The following GALNTL6 variants were observed in gnomAD, a reference collection of about 807,000 sequenced individuals.
GALNTL6 encodes the protein polypeptide N-acetylgalactosaminyltransferase like 6, also known as polypeptide N-acetylgalactosaminyltransferase-like 6.
GALNTL6 carries 46 observed loss-of-function variants against 73.7 expected under a neutral mutation model. The ratio of observed to expected loss-of-function variants is 0.62; its 90% CI spans 0.49 to 0.80. GALNTL6 has a LOEUF of 0.80. Among genes scored for constraint, GALNTL6 ranks in the 30% least tolerant of loss-of-function variants. The pLI, the probability that GALNTL6 is intolerant of heterozygous loss-of-function variation, is 0.00. For missense variants in GALNTL6, 604 were observed against 755.0 expected, an observed-to-expected ratio of 0.80 and a Z score of 2.34; for synonymous variants, 259 against 263.7, an observed-to-expected ratio of 0.98 and a Z score of 0.17.
intron 5 of GALNTL6, among the ~76,000 whole-genome samples, chr4:172,465,810 T>C (rs1732792496): frequency 6.6e-6 from 1 of 152,212 alleles, no homozygotes; most frequent in Non-Finnish European, 1.5e-5. Flanking sequence ...TTTTTCTGAA[T>C]CATATCCACA....
chr4:172,411,814 A>G (rs1208244803), intron 5 of GALNTL6, among the ~76,000 whole-genome samples: 3 of 152,118 alleles, frequency 2.0e-5, no homozygotes, highest in East Asian at 3.9e-4. Flanking sequence ...TTTAGTACCT[A>G]CTATGTGCCA....
At chr4:171,865,302 A>G (rs1735941264) in intron 2 of GALNTL6, among the ~76,000 whole-genome samples, 1 of 152,216 alleles carries the variant, frequency 6.6e-6, no homozygotes, top group Non-Finnish European at 1.5e-5. Context: ...GTGCTGGCTG[A>G]AAGGTGAGCA....
chr4:172,952,525 G>GTT (rs1027282071), intron 10 of GALNTL6, among the ~76,000 whole-genome samples: 1 of 149,902 alleles, frequency 6.7e-6, no homozygotes, highest in Admixed American at 6.6e-5. Context: ...TTTTGTTTTT[G>GTT]TTTTTTTTGA....
chr4:172,377,912 A>T (rs1174771552), intron 5 of GALNTL6, among the ~76,000 whole-genome samples: 2 of 142,092 alleles, frequency 1.4e-5, no homozygotes, highest in South Asian at 4.8e-4. Context: ...CCCCCCCCCC[A>T]TGCCTCTTCC....
At chr4:173,023,099 G>C (rs1753082858) in intron 12 of GALNTL6, among the ~76,000 whole-genome samples, 1 of 152,114 alleles carries the variant, frequency 6.6e-6, no homozygotes, top group African/African-American at 2.4e-5. Context: ...CATGAACTTG[G>C]CCATCCTGTG....
chr4:173,017,784 C>T (rs1579787023), intron 11 of GALNTL6, among the ~76,000 whole-genome samples: 1 of 152,196 alleles, frequency 6.6e-6, no homozygotes, highest in African/African-American at 2.4e-5. Flanking sequence ...AAACAGAGGT[C>T]ACCTAAGGAT....
At chr4:172,817,557 T>G (rs1372067512) in intron 7 of GALNTL6, among the ~76,000 whole-genome samples, 1 of 152,218 alleles carries the variant, frequency 6.6e-6, no homozygotes, top group Non-Finnish European at 1.5e-5. Flanking sequence ...TTCATGGCTT[T>G]TAGAAGGTTT....
At chr4:172,383,185 G>T (rs992109095) in intron 5 of GALNTL6, among the ~76,000 whole-genome samples, 2 of 151,838 alleles carry the variant, frequency 1.3e-5, no homozygotes. Flanking sequence ...GATTTTTTTG[G>T]TAGACATTGC....
At chr4:172,645,972 A>G (rs150254097) in intron 5 of GALNTL6, among the ~76,000 whole-genome samples, 1 of 152,068 alleles carries the variant, frequency 6.6e-6, no homozygotes, top group African/African-American at 2.4e-5. Flanking sequence ...GGGTCTTATG[A>G]CCAGTTTCAA....
chr4:172,884,166 T>A (rs1745598379), intron 8 of GALNTL6, among the ~76,000 whole-genome samples: 1 of 152,186 alleles, frequency 6.6e-6, no homozygotes, highest in Admixed American at 6.5e-5. Context: ...ATATGGTAGT[T>A]CTATTTTAGT....
At chr4:171,942,271 A>T (rs958912591) in intron 2 of GALNTL6, among the ~76,000 whole-genome samples, 1 of 49,878 alleles carries the variant, frequency 2.0e-5, no homozygotes, top group African/African-American at 4.3e-5. Context: ...AATAAATATA[A>T]TATACAGAAC....
At chr4:171,940,775 G>A (rs768554331) in intron 2 of GALNTL6, among the ~76,000 whole-genome samples, 4 of 151,046 alleles carry the variant, frequency 2.6e-5, no homozygotes, top group African/African-American at 4.9e-5. Context: ...CCGGGATTGC[G>A]CCACTGCACT....
intron 2 of GALNTL6, among the ~76,000 whole-genome samples, chr4:172,163,280 C>T (rs1278349521): frequency 2.6e-5 from 4 of 151,930 alleles, no homozygotes; most frequent in African/African-American, 9.7e-5. Context: ...TTAACATTTA[C>T]CATATTTTTA....
At chr4:172,248,881 C>G (rs546196141) in intron 3 of GALNTL6, among the ~76,000 whole-genome samples, 1 of 152,274 alleles carries the variant, frequency 6.6e-6, no homozygotes, top group East Asian at 1.9e-4. Flanking sequence ...CTCCCTACCC[C>G]TGTGGAACTG....
At chr4:172,733,607 A>G (rs1736278874) in intron 5 of GALNTL6, among the ~76,000 whole-genome samples, 1 of 152,234 alleles carries the variant, frequency 6.6e-6, no homozygotes, top group South Asian at 2.1e-4. Context: ...TGCTGTTCTC[A>G]TGATAGTGAA....
At chr4:172,442,141 G>A (rs961156410) in intron 5 of GALNTL6, among the ~76,000 whole-genome samples, 3 of 152,140 alleles carry the variant, frequency 2.0e-5, no homozygotes, top group Admixed American at 1.3e-4. Context: ...AAAGGTCGCA[G>A]GATCCTAACC....
intron 5 of GALNTL6, among the ~76,000 whole-genome samples, chr4:172,648,180 G>T (rs1231310965): frequency 6.6e-6 from 1 of 152,108 alleles, no homozygotes; most frequent in African/African-American, 2.4e-5. Context: ...CTATCTGCTG[G>T]CTTCCATGAG....
chr4:171,920,596 C>G (rs912594119), intron 2 of GALNTL6, among the ~76,000 whole-genome samples: 1 of 151,944 alleles, frequency 6.6e-6, no homozygotes, highest in Admixed American at 6.6e-5. Context: ...ATATGATGAA[C>G]ATCATTAACA....
chr4:172,669,779 A>G (rs1041440806), intron 5 of GALNTL6, among the ~76,000 whole-genome samples: 2 of 152,132 alleles, frequency 1.3e-5, no homozygotes, highest in East Asian at 3.9e-4. Context: ...TATGAAGCCT[A>G]GAACCCATTA....
Sources: gnomAD v4.1 joint callset for allele counts (sites outside exome capture counted in the v4.1 genomes callset) on GRCh38, gnomAD v4.1.1 for gene constraint, MANE v1.5 for transcripts, NCBI Gene and HGNC (gene_info 2026-07-23, HGNC 2026-07-21) for gene names.